TRPC6: variants seen among roughly 807,000 people sequenced by gnomAD.
TRPC6 encodes the protein short transient receptor potential channel 6.
A neutral mutation model predicts 90.7 loss-of-function variants in TRPC6; 55 were observed. The observed-to-expected ratio is 0.61, with a 90% confidence interval of 0.49 to 0.76. TRPC6 has a LOEUF of 0.76. Among genes scored for constraint, TRPC6 ranks in the 30% least tolerant of loss-of-function variants. TRPC6 has a pLI of 0.00. For synonymous variants in TRPC6, 393 were observed against 393.0 expected, an observed-to-expected ratio of 1.00 and a Z score of 0.00; for missense variants, 989 against 1,122.7, an observed-to-expected ratio of 0.88 and a Z score of 1.70.
chr11:101,463,387 C>T (rs1282511175), intron 10 of TRPC6, among the ~76,000 whole-genome samples: 1 of 152,148 alleles, frequency 6.6e-6, no homozygotes, highest in Non-Finnish European at 1.5e-5. Context: ...AGGAATGGTA[C>T]CAGCTCCTCT....
intron 1 of TRPC6, among the ~76,000 whole-genome samples, chr11:101,556,308 C>A (rs1281836403): frequency 6.7e-6 from 1 of 148,704 alleles, no homozygotes; most frequent in Non-Finnish European, 1.5e-5. Flanking sequence ...AATCAACAAA[C>A]CTTTAGTTGG....
At chr11:101,511,376 C>CT (rs1352864780) in intron 1 of TRPC6, among the ~76,000 whole-genome samples, 2 of 152,098 alleles carry the variant, frequency 1.3e-5, no homozygotes, top group Non-Finnish European at 2.9e-5. Context: ...GAATTCACCC[C>CT]TCTTTGCAGA....
intron 10 of TRPC6, among the ~76,000 whole-genome samples, chr11:101,468,289 C>G (rs1859199161): frequency 6.6e-6 from 1 of 152,154 alleles, no homozygotes. Context: ...TTCCCCTTAC[C>G]TAAAGCTCTC....
intron 1 of TRPC6, among the ~76,000 whole-genome samples, chr11:101,508,393 TTACGGTGAGTTTCTAGAAGAA>T (rs1195836555): frequency 6.6e-6 from 1 of 152,138 alleles, no homozygotes; most frequent in African/African-American, 2.4e-5. Context: ...GATGTCTGAG[TTACGGTGAGTTTCTAGAAGAA>T]TCACATTATT....
At position 101,583,525 on chromosome 11, in the gene TRPC6, TG is replaced by T; in HGVS notation, c.-23del. 7.0e-7 allele frequency: 1 copy of T among 1,435,478 alleles called. No individual in the cohort carries two copies. 88.9% of individuals were successfully genotyped at this position (1,435,478 alleles called of 1,614,324 possible). ...TCATGGCGGGAACGCCCGACTGGCC[TG>T]GGCCCCGCTCCCGGGGGAGCCGAGT... On this transcript the variant is annotated 5_prime_UTR_variant, in exon 1 of 13. Transcript: ENST00000344327.
In TRPC6 at chr11:101,574,520, C is replaced by A. The variant is rs546152110; in HGVS notation, c.170+8814G>T. ...TACCCTAAAATGGTGCCTAACATAC[C>A]AAAGGAACTTAAACAAATGTTTGTT... is the stretch of plus-strand genomic sequence containing the variant. On this transcript the variant is annotated intron_variant, in intron 1 of 12. Transcript: ENST00000344327. Among the ~76,000 whole-genome samples the A allele has an allele frequency of 4.6e-5, 7 of 151,152 alleles. No homozygotes were observed. The South Asian group carries it at 1.2e-3, about 27-fold the overall frequency.
At chr11:101,498,972 T>C (rs1860021855) in intron 2 of TRPC6, among the ~76,000 whole-genome samples, 1 of 152,126 alleles carries the variant, frequency 6.6e-6, no homozygotes, top group Non-Finnish European at 1.5e-5. Context: ...ATGATAGAAA[T>C]GCAGCACCTT....
intron 1 of TRPC6, among the ~76,000 whole-genome samples, chr11:101,546,721 G>A (rs117844362): frequency 6.6e-6 from 1 of 152,274 alleles, no homozygotes; most frequent in East Asian, 1.9e-4. Context: ...GTGAAGTGCA[G>A]CTGCAGGAAA....
At chr11:101,519,465 C>T (rs1460951222) in intron 1 of TRPC6, among the ~76,000 whole-genome samples, 1 of 151,956 alleles carries the variant, frequency 6.6e-6, no homozygotes, top group African/African-American at 2.4e-5. Context: ...CATTTTCCAC[C>T]GCTTTGAGGA....
At chr11:101,515,959 A>G (rs1466270267) in intron 1 of TRPC6, among the ~76,000 whole-genome samples, 1 of 152,118 alleles carries the variant, frequency 6.6e-6, no homozygotes, top group Non-Finnish European at 1.5e-5. Context: ...GTGTTATTTT[A>G]TTTAATTTTC....
At chr11:101,514,888 C>T (rs994523577) in intron 1 of TRPC6, among the ~76,000 whole-genome samples, 1 of 152,136 alleles carries the variant, frequency 6.6e-6, no homozygotes, top group Non-Finnish European at 1.5e-5. Context: ...CTTGAGAAAA[C>T]TTTGGGGGAA....
chr11:101,504,273 A>G lies in TRPC6; in HGVS notation c.696T>C (p.Tyr232=). 1 of 1,613,214 alleles carries G rather than the reference A, an allele frequency of 6.2e-7. No homozygotes were observed. The highest frequency in any genetic ancestry group is 1.1e-5 in the South Asian group (1 of 91,080). Residue 232 remains tyrosine (Y), a synonymous_variant, in exon 2 of 13, where the codon TAT becomes TAC. Coordinates refer to ENST00000344327, the MANE Select transcript of TRPC6 (RefSeq NM_004621.6). ...TCCGCAGGAGGGTATGCACAATTTC[A>G]TATTCCTGGCAGTGGGCAGCCAGAA... ...PIILAAHCQE[Y]EIVHTLLRKG...
intron 1 of TRPC6, among the ~76,000 whole-genome samples, chr11:101,548,480 C>A (rs1010069759): frequency 4.1e-5 from 2 of 48,520 alleles, no homozygotes; most frequent in African/African-American, 7.1e-5. Context: ...ATATATATCT[C>A]TCTCTCTCTC....
In TRPC6 at chr11:101,463,159, C is replaced by T. The variant is rs182065947; in HGVS notation, c.2484+6268G>A. Among the ~76,000 whole-genome samples the T allele has an allele frequency of 4.0e-3, 612 of 152,160 alleles. 3 individuals are homozygous for T. The highest frequency in any genetic ancestry group is 0.014 in the African/African-American group (583 of 41,496). On this transcript the variant is annotated intron_variant, in intron 10 of 12. Transcript: ENST00000344327. ...CAGCCTTGCATCCCAGGGATGAAGCCGGCTTGATCATGGTGGATAAGCTTT... is the reference window on the plus strand; with the variant it reads ...CAGCCTTGCATCCCAGGGATGAAGCTGGCTTGATCATGGTGGATAAGCTTT...
chr11:101,476,416 C>A lies in TRPC6; in HGVS notation c.1629G>T (p.Ala543=), dbSNP rs201064728. 1 of 1,614,036 alleles carries A rather than the reference C, an allele frequency of 6.2e-7. No homozygotes were observed. The highest frequency in any genetic ancestry group is 1.7e-5 in the Admixed American group (1 of 59,992). The part of the protein sequence containing the change: ...MLAIFAASFI[A]RFMAFWHASK... ...AAGCATGCCAAAATGCCATGAATCT[C>A]GCAATGAATGATGCTGCGAAAATTG... is the stretch of plus-strand genomic sequence containing the variant. The change falls in exon 6 of 13, where the codon GCG becomes GCT. Residue 543 remains alanine (A), a synonymous_variant. Transcript: ENST00000344327.
chr11:101,548,476 ATCTC>A (rs757404318), intron 1 of TRPC6, among the ~76,000 whole-genome samples: 2 of 112,142 alleles, frequency 1.8e-5, no homozygotes, highest in Admixed American at 1.0e-4. Context: ...ATATATATAT[ATCTC>A]TCTCTCTCTC....
intron 10 of TRPC6, among the ~76,000 whole-genome samples, chr11:101,463,122 C>T (rs543717826): frequency 9.9e-5 from 15 of 152,158 alleles, no homozygotes; most frequent in Non-Finnish European, 1.5e-4. Context: ...TATCGATTTG[C>T]GTATGTTGAA....
At chr11:101,466,106 CAGA>C (rs1264942290) in intron 10 of TRPC6, among the ~76,000 whole-genome samples, 1 of 152,200 alleles carries the variant, frequency 6.6e-6, no homozygotes, top group African/African-American at 2.4e-5. Flanking sequence ...GCAGAGGCTG[CAGA>C]ACAGCAAAGA....
intron 1 of TRPC6, among the ~76,000 whole-genome samples, chr11:101,532,763 G>A (rs569376500): frequency 2.6e-5 from 4 of 152,302 alleles, no homozygotes; most frequent in Non-Finnish European, 5.9e-5. Context: ...ACAGAGGAGT[G>A]TGGGAGAAAG....
Sources: allele counts gnomAD v4.1 joint callset (sites outside exome capture counted in the v4.1 genomes callset), GRCh38; gene constraint gnomAD v4.1.1; transcripts MANE v1.5; gene names NCBI Gene and HGNC (gene_info 2026-07-23, HGNC 2026-07-21).